PCDH15: variants seen among roughly 807,000 people sequenced by gnomAD.
The protein encoded by PCDH15 is protocadherin related 15, also known as protocadherin-15.
PCDH15 carries 129 observed loss-of-function variants against 178.5 expected under a neutral mutation model. That is an observed-to-expected ratio of 0.72 (90% CI 0.63 to 0.84). The LOEUF (loss-of-function observed/expected upper bound fraction) is 0.84, where lower values mean the gene tolerates loss of function less well. PCDH15 is among the 40% of genes least tolerant of loss of function. The pLI, the probability that PCDH15 is intolerant of heterozygous loss-of-function variation, is 0.00. For missense variants in PCDH15, 2,230 were observed against 2,099.9 expected, an observed-to-expected ratio of 1.06 and a Z score of -1.21; for synonymous variants, 800 against 732.0, an observed-to-expected ratio of 1.09 and a Z score of -1.50.
intron 9 of PCDH15, among the ~76,000 whole-genome samples, chr10:54,235,667 C>T (rs906705355): frequency 1.1e-4 from 16 of 152,156 alleles, no homozygotes; most frequent in African/African-American, 2.4e-4. Context: ...TTATCTTTTA[C>T]GTTGTTTTAA....
chr10:53,827,975 A>G (rs1487557202), intron 31 of PCDH15, among the ~76,000 whole-genome samples: 1 of 151,852 alleles, frequency 6.6e-6, no homozygotes, highest in Non-Finnish European at 1.5e-5. Flanking sequence ...AACATTTTTG[A>G]CGTTATTTCA....
At chr10:54,167,956 C>T (rs2046437962) in intron 13 of PCDH15, among the ~76,000 whole-genome samples, 3 of 151,440 alleles carry the variant, frequency 2.0e-5, no homozygotes, top group African/African-American at 7.3e-5. Flanking sequence ...CCCCCGAACC[C>T]CTTCCCTCTG....
intron 1 of PCDH15, among the ~76,000 whole-genome samples, chr10:54,752,484 A>AC (rs1566126939): frequency 9.1e-5 from 9 of 99,018 alleles, no homozygotes; most frequent in South Asian, 6.2e-4. Context: ...CTCAAAAAAA[A>AC]AAAAAAACAA....
chr10:54,449,958 G>T (rs896508100), intron 3 of PCDH15, among the ~76,000 whole-genome samples: 3 of 151,440 alleles, frequency 2.0e-5, no homozygotes. Flanking sequence ...GGAAAACTAT[G>T]CACTGTATCA....
chr10:53,823,160 T>TAAGTCATCCTCATCAGATAG lies in PCDH15; in HGVS notation c.4368-2950_4368-2931dup. The TAAGTCATCCTCATCAGATAG allele has an allele frequency of 6.2e-7, 1 of 1,614,046 alleles. No individual in the cohort carries two copies. The highest frequency in any genetic ancestry group is 8.5e-7 in the Non-Finnish European group (1 of 1,179,930). On this transcript the variant is annotated intron_variant, in intron 32 of 37. Transcript: ENST00000644397. ...CCTTATAAAGGGGATTATGGGCACT[T>TAAGTCATCCTCATCAGATAG]AAGTCATCCTCATCAGATAGAAATG...
chr10:55,280,269 C>CTT (rs1007536850), intron 1 of PCDH15, among the ~76,000 whole-genome samples: 1,088 of 66,004 alleles, frequency 0.016, 103 homozygotes, highest in African/African-American at 0.037. Context: ...TATTTTGATT[C>CTT]TTTTTTTTTT....
intron 2 of PCDH15, among the ~76,000 whole-genome samples, chr10:55,578,235 T>G (rs1842533485): frequency 6.6e-6 from 1 of 152,150 alleles, no homozygotes. Context: ...ATTATTTTTT[T>G]GAGACGGAGT....
chr10:54,302,516 C>T (rs1214097210), intron 8 of PCDH15, among the ~76,000 whole-genome samples: 1 of 152,160 alleles, frequency 6.6e-6, no homozygotes, highest in East Asian at 1.9e-4. Flanking sequence ...AAGAGAGACC[C>T]GTCGCACATT....
At chr10:53,910,442 A>G (rs1455210171) in intron 25 of PCDH15, among the ~76,000 whole-genome samples, 1 of 152,190 alleles carries the variant, frequency 6.6e-6, no homozygotes, top group African/African-American at 2.4e-5. Context: ...AGGAAAACTA[A>G]CAAACAGAAA....
chr10:54,347,323 T>C (rs942501935), intron 5 of PCDH15, among the ~76,000 whole-genome samples: 3 of 152,130 alleles, frequency 2.0e-5, no homozygotes, highest in African/African-American at 7.2e-5. Context: ...GCTTCTCCCA[T>C]ACCACCCCTC....
Position 54,507,485 on chromosome 10 carries a change from G to A in PCDH15, c.157+20327C>T, listed in dbSNP as rs545494874. Among the ~76,000 whole-genome samples, 8 of 151,694 alleles carry A rather than the reference G, an allele frequency of 5.3e-5. No individual in the cohort carries two copies. In the South Asian group the frequency reaches 1.7e-3, roughly 32 times the overall value. On this transcript the variant is annotated intron_variant, in intron 3 of 37. Coordinates refer to ENST00000644397, the MANE Select transcript of PCDH15 (RefSeq NM_001384140.1). ...AAAACTATGCTTCCTTCAGCTACTA[G>A]GAACACAGTATGGTATATGGAAAGA...
chr10:55,483,215 A>T (rs886879155), intron 2 of PCDH15, among the ~76,000 whole-genome samples: 12 of 151,772 alleles, frequency 7.9e-5, no homozygotes, highest in African/African-American at 2.9e-4. Context: ...ACAGAAGAAA[A>T]TTTTTGCAAA....
chr10:55,255,532 A>T (rs1443364081), intron 1 of PCDH15, among the ~76,000 whole-genome samples: 2 of 152,104 alleles, frequency 1.3e-5, no homozygotes, highest in Non-Finnish European at 2.9e-5. Flanking sequence ...CGCCACACTG[A>T]CTTCCACAAT....
At chr10:53,872,090 A>T (rs1356686541) in intron 26 of PCDH15, among the ~76,000 whole-genome samples, 1 of 151,822 alleles carries the variant, frequency 6.6e-6, no homozygotes, top group Non-Finnish European at 1.5e-5. Flanking sequence ...TACACACTCT[A>T]CCCCTCCTTG....
At chr10:55,578,729 G>C (rs1333763842) in intron 2 of PCDH15, among the ~76,000 whole-genome samples, 1 of 152,154 alleles carries the variant, frequency 6.6e-6, no homozygotes, top group Non-Finnish European at 1.5e-5. Flanking sequence ...CATGGCTGGG[G>C]AGTCCTCACA....
chr10:54,414,894 A>G (rs537503155), intron 3 of PCDH15, among the ~76,000 whole-genome samples: 2 of 152,200 alleles, frequency 1.3e-5, no homozygotes, highest in Admixed American at 1.3e-4. Flanking sequence ...TTATTTTAAA[A>G]GCAGATTAAA....
chr10:55,559,274 A>C, intron 2 of PCDH15, among the ~76,000 whole-genome samples: 1 of 152,096 alleles, frequency 6.6e-6, no homozygotes, highest in East Asian at 1.9e-4. Context: ...TCATATAGTT[A>C]TTCAAACTTC....
chr10:55,282,219 T>C (rs1842752844), intron 1 of PCDH15, among the ~76,000 whole-genome samples: 1 of 152,188 alleles, frequency 6.6e-6, no homozygotes, highest in South Asian at 2.1e-4. Context: ...TGCCCTCCTT[T>C]AGTGCCTTTT....
At chr10:55,252,790 C>A (rs188449721) in intron 1 of PCDH15, among the ~76,000 whole-genome samples, 2 of 151,976 alleles carry the variant, frequency 1.3e-5, no homozygotes, top group East Asian at 1.9e-4. Flanking sequence ...AATTTAAGCT[C>A]AAAGGAATGA....
Sources: gnomAD v4.1 joint callset for allele counts (sites outside exome capture counted in the v4.1 genomes callset) on GRCh38, gnomAD v4.1.1 for gene constraint, MANE v1.5 for transcripts, NCBI Gene and HGNC (gene_info 2026-07-23, HGNC 2026-07-21) for gene names.